Variants in MTUS1 observed in about 807,000 individuals in gnomAD.
The protein encoded by MTUS1 is microtubule-associated tumor suppressor 1.
A neutral mutation model predicts 120.8 loss-of-function variants in MTUS1; 109 were observed. The observed-to-expected ratio is 0.90, with a 90% CI of 0.77 to 1.06. The LOEUF (loss-of-function observed/expected upper bound fraction) is 1.06, where lower values mean the gene tolerates loss of function less well. Among genes scored for constraint, MTUS1 ranks in the 50% least tolerant of loss-of-function variants. The pLI, the probability that MTUS1 is intolerant of heterozygous loss-of-function variation, is 0.00. For missense variants in MTUS1, 2,210 were observed against 1,486.3 expected (o/e 1.49, Z -8.01); for synonymous variants, 737 against 550.5 (o/e 1.34, Z -4.74).
At chr8:17,665,818 GAA>G (rs1390132672) in intron 8 of MTUS1, among the ~76,000 whole-genome samples, 1 of 152,206 alleles carries the variant, frequency 6.6e-6, no homozygotes, top group Non-Finnish European at 1.5e-5. Flanking sequence ...AAGCACTGCT[GAA>G]AAGATTCCAA....
chr8:17,799,583 C>G (rs1317184678), intron 1 of MTUS1, among the ~76,000 whole-genome samples: 1 of 152,132 alleles, frequency 6.6e-6, no homozygotes, highest in Non-Finnish European at 1.5e-5. Context: ...AAGTAACAGG[C>G]TTTTTAAATG....
At chr8:17,647,558 G>GT (rs1806085221) in intron 13 of MTUS1, among the ~76,000 whole-genome samples, 1 of 152,158 alleles carries the variant, frequency 6.6e-6, no homozygotes, top group Admixed American at 6.5e-5. Flanking sequence ...CAGTTTCATG[G>GT]TAAGTTTTCA....
chr8:17,721,005 T>C (rs1481514494), intron 4 of MTUS1, among the ~76,000 whole-genome samples: 5 of 152,210 alleles, frequency 3.3e-5, no homozygotes, highest in Admixed American at 2.0e-4. Flanking sequence ...AGTAACATTA[T>C]TTCTATAGGA....
intron 3 of MTUS1, among the ~76,000 whole-genome samples, chr8:17,742,955 G>A (rs2047450674): frequency 6.6e-6 from 1 of 152,100 alleles, no homozygotes; most frequent in African/African-American, 2.4e-5. Context: ...CAATTGGAAT[G>A]GCTAGCAGGC....
At chr8:17,732,921 G>A (rs2046685907) in intron 3 of MTUS1, among the ~76,000 whole-genome samples, 3 of 151,764 alleles carry the variant, frequency 2.0e-5, no homozygotes, top group South Asian at 2.1e-4. Context: ...CCATCACAGC[G>A]ACCCCCGCAA....
chr8:17,663,297 A>G (rs374256546), intron 8 of MTUS1, among the ~76,000 whole-genome samples: 1 of 152,312 alleles, frequency 6.6e-6, no homozygotes, highest in African/African-American at 2.4e-5. Flanking sequence ...TCCATCTCAC[A>G]GAGACTCATT....
At chr8:17,730,359 C>A (rs537863081) in intron 3 of MTUS1, among the ~76,000 whole-genome samples, 15 of 152,016 alleles carry the variant, frequency 9.9e-5, no homozygotes, top group African/African-American at 3.4e-4. Context: ...GTGGCGGGCA[C>A]CTGTAATTCC....
chr8:17,734,370 G>GT (rs2046791344), intron 3 of MTUS1: 2 of 152,142 alleles, frequency 1.3e-5, no homozygotes, highest in East Asian at 3.8e-4. Flanking sequence ...AAATTCAAGG[G>GT]TAAGCTCCCC....
chr8:17,770,006 G>T (rs1451085409), intron 1 of MTUS1, among the ~76,000 whole-genome samples: 1 of 151,754 alleles, frequency 6.6e-6, no homozygotes, highest in Non-Finnish European at 1.5e-5. Context: ...AGACACTTCA[G>T]ATGACATATA....
chr8:17,659,958 A>C (rs751904324), intron 8 of MTUS1, among the ~76,000 whole-genome samples: 2 of 152,138 alleles, frequency 1.3e-5, no homozygotes, highest in Admixed American at 1.3e-4. Flanking sequence ...AGTACCTCAT[A>C]TACCTGGACT....
chr8:17,734,077 G>A (rs2046773721), intron 3 of MTUS1: 1 of 152,066 alleles, frequency 6.6e-6, no homozygotes, highest in South Asian at 2.1e-4. Context: ...TTAAATTTTA[G>A]TATTATAAGA....
Position 17,645,979 on chromosome 8 carries a change from G to T in MTUS1, c.3760C>A (p.Gln1254Lys), listed in dbSNP as rs752801697. Reference sequence around the variant, plus strand: ...AAGGAGCCCGAATTCCTTGGTGACTGCAAAGGGATGGCGGAGGATGTGGGG... The same window carrying T: ...AAGGAGCCCGAATTCCTTGGTGACTTCAAAGGGATGGCGGAGGATGTGGGG... ...RSPTSSAIPL[Q>K]SPRNSGSFPS... The change falls in exon 15 of 15, where the codon CAG (glutamine) becomes AAG (lysine). Residue 1254 changes from glutamine (Q) to lysine (K), a missense_variant. Physicochemically the swap from Gln to Lys is moderately conservative, Grantham distance 53. Coordinates refer to ENST00000693296, the MANE Select transcript of MTUS1 (RefSeq NM_001363059.2). 1 of 1,613,354 alleles carries T rather than the reference G, an allele frequency of 6.2e-7. No individual in the cohort carries two copies. Among genetic ancestry groups the T allele is most frequent in the Non-Finnish European group, 8.5e-7 (1 of 1,179,966 alleles).
chr8:17,785,036 C>G (rs557326616), intron 1 of MTUS1, among the ~76,000 whole-genome samples: 4 of 152,118 alleles, frequency 2.6e-5, no homozygotes, highest in Non-Finnish European at 5.9e-5. Context: ...CCACCTGCCT[C>G]GGCCTCCCAA....
At position 17,664,974 on chromosome 8, in the gene MTUS1, C is replaced by G. The variant is rs752703111; in HGVS notation, c.2906-8909G>C. Among the ~76,000 whole-genome samples the G allele has an allele frequency of 3.1e-4, 47 of 152,126 alleles. 1 individual carries two copies. Among genetic ancestry groups the G allele is most frequent in the Non-Finnish European group, 1.6e-4 (11 of 68,030 alleles). ...AAATAGGCATGTCCAGTTTCCTGGG[C>G]CTCCGTGTCCTGATATGGAAGGTAG... On this transcript the variant is annotated intron_variant, in intron 8 of 14. Coordinates refer to ENST00000693296, the MANE Select transcript of MTUS1 (RefSeq NM_001363059.2).
chr8:17,764,476 T>C (rs2049307233), intron 1 of MTUS1, among the ~76,000 whole-genome samples: 1 of 152,006 alleles, frequency 6.6e-6, no homozygotes, highest in South Asian at 2.1e-4. Context: ...TAGTTTATAA[T>C]AATGCATCCC....
chr8:17,678,699 T>C lies in MTUS1; in HGVS notation c.2839-3447A>G, dbSNP rs74503215. The stretch of plus-strand genomic sequence containing the variant: ...CAAGTCAACTTTACTGCTAGTGCCA[T>C]TCAAAATTCACCTTTGTTCAGGTGC... On this transcript the variant is annotated intron_variant, in intron 7 of 14. Coordinates refer to ENST00000693296, the MANE Select transcript of MTUS1 (RefSeq NM_001363059.2). Among the ~76,000 whole-genome samples the C allele has an allele frequency of 3.9e-3, 591 of 150,630 alleles. 2 individuals carry two copies. Among genetic ancestry groups the C allele is most frequent in the African/African-American group, 0.014 (568 of 41,048 alleles).
At chr8:17,777,454 A>G (rs1182000221) in intron 1 of MTUS1, among the ~76,000 whole-genome samples, 2 of 125,276 alleles carry the variant, frequency 1.6e-5, no homozygotes, top group Non-Finnish European at 3.0e-5. Context: ...AAGAAAAAGA[A>G]AAAAAAAAAA....
chr8:17,789,198 A>G (rs1240755601), intron 1 of MTUS1, among the ~76,000 whole-genome samples: 1 of 151,900 alleles, frequency 6.6e-6, no homozygotes, highest in Non-Finnish European at 1.5e-5. Context: ...TCACCTGGCT[A>G]CTTTTGTAAT....
chr8:17,656,710 C>G (rs948843470), intron 8 of MTUS1, among the ~76,000 whole-genome samples: 2 of 151,994 alleles, frequency 1.3e-5, no homozygotes, highest in African/African-American at 4.8e-5. Context: ...GGACAAGCGA[C>G]TCCTCCCTCT....
Sources: gnomAD v4.1 joint callset for allele counts (sites outside exome capture counted in the v4.1 genomes callset) on GRCh38, gnomAD v4.1.1 for gene constraint, MANE v1.5 for transcripts, NCBI Gene and HGNC (gene_info 2026-07-23, HGNC 2026-07-21) for gene names.